DNM3: variants seen among roughly 807,000 people sequenced by gnomAD.
DNM3 encodes the protein dynamin 3.
In DNM3, 47 loss-of-function variants were observed where a neutral mutation model predicts 101.6. The ratio of observed to expected loss-of-function variants is 0.46; its 90% CI spans 0.37 to 0.59. DNM3 has a LOEUF of 0.59. DNM3 is among the 20% of genes least tolerant of loss of function. The pLI is 0.00. For missense variants in DNM3, 849 were observed against 1,085.7 expected (o/e 0.78, Z 3.06); for synonymous variants, 385 against 387.9 (o/e 0.99, Z 0.09).
At chr1:171,992,275 A>G (rs1248257872) in intron 4 of DNM3, among the ~76,000 whole-genome samples, 1 of 152,188 alleles carries the variant, frequency 6.6e-6, no homozygotes, top group Admixed American at 6.5e-5. Flanking sequence ...AGATTCATTT[A>G]TGACCTAAAA....
chr1:172,418,184 T>G, intron 20 of DNM3: 1 of 997,022 alleles, frequency 1.0e-6, no homozygotes, highest in Non-Finnish European at 1.4e-6. Context: ...TGCATGCTAT[T>G]ATTTGGGTTT....
chr1:172,285,857 G>A (rs2063676567), intron 15 of DNM3, among the ~76,000 whole-genome samples: 1 of 151,980 alleles, frequency 6.6e-6, no homozygotes. Flanking sequence ...AACACAGACA[G>A]CCCCAACGCA....
At chr1:171,853,344 T>G (rs1334230352) in intron 1 of DNM3, among the ~76,000 whole-genome samples, 1 of 151,978 alleles carries the variant, frequency 6.6e-6, no homozygotes, top group African/African-American at 2.4e-5. Flanking sequence ...TTAAATTATT[T>G]TTTGTAGACA....
chr1:172,247,753 C>T lies in DNM3; in HGVS notation c.1660-5820C>T, dbSNP rs569162808. Among the ~76,000 whole-genome samples, 62 of 151,796 alleles carry T rather than the reference C, an allele frequency of 4.1e-4. 1 individual carries two copies. The highest frequency in any genetic ancestry group is 6.5e-4 in the Non-Finnish European group (44 of 67,942). Reference sequence around the variant, plus strand: ...AGGCTGGAGTGCAATGGCGTGATCTCGGCTCACTGCAACTTCTGCCTCCTG... The same window carrying T: ...AGGCTGGAGTGCAATGGCGTGATCTTGGCTCACTGCAACTTCTGCCTCCTG... On this transcript the variant is annotated intron_variant, in intron 14 of 20. Coordinates refer to ENST00000627582, the MANE Select transcript of DNM3 (RefSeq NM_015569.5).
intron 2 of DNM3, among the ~76,000 whole-genome samples, chr1:171,930,667 T>A (rs2040931443): frequency 6.6e-6 from 1 of 152,194 alleles, no homozygotes; most frequent in African/African-American, 2.4e-5. Flanking sequence ...CCTCTGGCTC[T>A]GTGTTGATCC....
chr1:172,050,692 C>T (rs749236738), intron 10 of DNM3, among the ~76,000 whole-genome samples: 14 of 152,084 alleles, frequency 9.2e-5, no homozygotes, highest in Non-Finnish European at 1.6e-4. Flanking sequence ...TCATGTTCTC[C>T]CTCCACTGTA....
chr1:172,064,411 A>G (rs755542569), intron 10 of DNM3, among the ~76,000 whole-genome samples: 32 of 152,160 alleles, frequency 2.1e-4, no homozygotes, highest in Admixed American at 8.5e-4. Flanking sequence ...AATAAGAGAC[A>G]TAGAAGAGAG....
intron 4 of DNM3, among the ~76,000 whole-genome samples, chr1:172,012,039 C>T (rs1284763254): frequency 6.6e-6 from 1 of 152,036 alleles, no homozygotes; most frequent in African/African-American, 2.4e-5. Context: ...TGTTTCCTTA[C>T]CATTTAACTT....
intron 20 of DNM3, chr1:172,393,030 C>T (rs1029164813): frequency 1.3e-5 from 2 of 152,234 alleles, no homozygotes; most frequent in Non-Finnish European, 2.9e-5. Context: ...TCCAGAGTGT[C>T]TCACTCATGC....
chr1:172,220,492 G>A (rs1470727467), intron 14 of DNM3, among the ~76,000 whole-genome samples: 18 of 152,172 alleles, frequency 1.2e-4, no homozygotes, highest in Admixed American at 1.1e-3. Context: ...GCACATGGGG[G>A]AGGCAGTGAG....
chr1:172,275,159 A>G (rs1573246652), intron 15 of DNM3, among the ~76,000 whole-genome samples: 1 of 152,068 alleles, frequency 6.6e-6, no homozygotes, highest in Non-Finnish European at 1.5e-5. Flanking sequence ...CTCATCAGGT[A>G]GAACCATTCA....
At chr1:172,316,458 A>G (rs12068793) in intron 16 of DNM3, among the ~76,000 whole-genome samples, 13,966 of 151,836 alleles carry the variant, frequency 0.092, 846 homozygotes, top group African/African-American at 0.17. Context: ...GGGATAAAGA[A>G]TCAAGACCCA....
At chr1:172,154,521 A>G (rs890546267) in intron 14 of DNM3, among the ~76,000 whole-genome samples, 1 of 152,138 alleles carries the variant, frequency 6.6e-6, no homozygotes, top group African/African-American at 2.4e-5. Flanking sequence ...TTCACTACAT[A>G]AAGAAATCTG....
intron 14 of DNM3, among the ~76,000 whole-genome samples, chr1:172,185,802 A>G (rs1410813829): frequency 6.6e-6 from 1 of 152,156 alleles, no homozygotes; most frequent in Admixed American, 6.6e-5. Context: ...TGGGAATAAA[A>G]TAATATAGAA....
chr1:172,409,718 A>C lies in DNM3; in HGVS notation c.*1877A>C. 2.0e-6 allele frequency: 2 copies of C among 985,118 alleles called. No individual in the cohort carries two copies. The highest frequency in any genetic ancestry group is 2.4e-6 in the Non-Finnish European group (2 of 829,654). 61.0% of individuals were successfully genotyped at this position (985,118 alleles called of 1,614,324 possible). On this transcript the variant is annotated 3_prime_UTR_variant, in exon 21 of 21. Coordinates refer to ENST00000627582, the MANE Select transcript of DNM3 (RefSeq NM_015569.5). ...ATCCATAGTAAAACAAATAATCTTC[A>C]GTGAGATCTTTTTATAAAACTTCTT...
chr1:171,987,622 T>C (rs2045351766), intron 2 of DNM3, 34 bp from the exon 3 acceptor site: 1 of 1,528,380 alleles, frequency 6.5e-7, no homozygotes, highest in African/African-American at 1.4e-5. Flanking sequence ...AATGCATGAA[T>C]TTAAGTTGTG....
chr1:172,230,051 G>T (rs2061275781), intron 14 of DNM3, among the ~76,000 whole-genome samples: 1 of 152,148 alleles, frequency 6.6e-6, no homozygotes, highest in South Asian at 2.1e-4. Flanking sequence ...CACTAGGGGA[G>T]TCAAAACTAT....
chr1:172,068,491 G>A (rs919750944), intron 10 of DNM3, among the ~76,000 whole-genome samples: 1 of 152,116 alleles, frequency 6.6e-6, no homozygotes, highest in East Asian at 1.9e-4. Context: ...TCTTTGTCCT[G>A]TTTTCCGACT....
intron 15 of DNM3, among the ~76,000 whole-genome samples, chr1:172,267,144 G>A (rs1441860166): frequency 6.6e-6 from 1 of 152,228 alleles, no homozygotes; most frequent in Non-Finnish European, 1.5e-5. Context: ...TAATTAAAAT[G>A]TAACAATTCT....
Sources: allele counts gnomAD v4.1 joint callset (sites outside exome capture counted in the v4.1 genomes callset), GRCh38; gene constraint gnomAD v4.1.1; transcripts MANE v1.5; gene names NCBI Gene and HGNC (gene_info 2026-07-23, HGNC 2026-07-21).